The following EPB41L4B variants were observed in gnomAD, a reference collection of about 807,000 sequenced individuals.
The protein encoded by EPB41L4B is band 4.1-like protein 4B.
EPB41L4B carries 30 observed loss-of-function variants against 112.5 expected under a neutral mutation model. The ratio of observed to expected loss-of-function variants is 0.27; its 90% CI spans 0.20 to 0.36. The LOEUF (loss-of-function observed/expected upper bound fraction) is 0.36, where lower values mean the gene tolerates loss of function less well. Ranked by LOEUF, EPB41L4B falls within the 10% of genes least tolerant of loss-of-function variation. The pLI is 1.00. For missense variants in EPB41L4B, 1,024 were observed against 1,133.3 expected (o/e 0.90, Z 1.38); for synonymous variants, 408 against 439.7 (o/e 0.93, Z 0.90).
intron 1 of EPB41L4B, among the ~76,000 whole-genome samples, chr9:109,285,892 G>T (rs1588209843): frequency 6.6e-6 from 1 of 152,170 alleles, no homozygotes; most frequent in Non-Finnish European, 1.5e-5. Context: ...CCCCGGAGAA[G>T]TAAGTGCTCC....
chr9:109,232,619 CTGAA>C (rs1248864346), intron 15 of EPB41L4B, among the ~76,000 whole-genome samples: 20 of 152,172 alleles, frequency 1.3e-4, no homozygotes, highest in Admixed American at 1.3e-3. Flanking sequence ...ATCCGGCTCA[CTGAA>C]TGAATGAAAT....
intron 1 of EPB41L4B, among the ~76,000 whole-genome samples, chr9:109,294,298 C>T (rs1163167685): frequency 1.5e-5 from 2 of 134,102 alleles, no homozygotes; most frequent in African/African-American, 2.9e-5. Context: ...GAGAGTGAGA[C>T]TCCGTCTCAA....
intron 1 of EPB41L4B, chr9:109,307,254 A>G (rs960810173): frequency 4.0e-6 from 2 of 496,208 alleles, no homozygotes; most frequent in Non-Finnish European, 8.0e-6. Flanking sequence ...AGCGTCTTTA[A>G]TTAAGAGGAA....
At chr9:109,224,432 C>A (rs577368601) in intron 15 of EPB41L4B, among the ~76,000 whole-genome samples, 1 of 152,140 alleles carries the variant, frequency 6.6e-6, no homozygotes, top group Non-Finnish European at 1.5e-5. Context: ...ATGAAAGAAG[C>A]CAGACACAAA....
intron 13 of EPB41L4B, among the ~76,000 whole-genome samples, chr9:109,250,846 T>C (rs574691540): frequency 2.0e-5 from 3 of 152,260 alleles, no homozygotes; most frequent in South Asian, 2.1e-4. Flanking sequence ...ATAAGTAAAG[T>C]TTTATTGGAA....
At chr9:109,314,599 C>A (rs1033216734) in intron 1 of EPB41L4B, among the ~76,000 whole-genome samples, 7 of 150,676 alleles carry the variant, frequency 4.6e-5, no homozygotes, top group Non-Finnish European at 8.8e-5. Flanking sequence ...TATCACGACA[C>A]CCCCTTTGGG....
At chr9:109,212,097 T>C (rs1833203273) in intron 17 of EPB41L4B, among the ~76,000 whole-genome samples, 1 of 152,176 alleles carries the variant, frequency 6.6e-6, no homozygotes, top group Admixed American at 6.6e-5. Flanking sequence ...CACAGGTGTC[T>C]CAGGTAGGCC....
Position 109,185,600 on chromosome 9 carries a change from C to A in EPB41L4B, c.2307G>T (p.Glu769Asp). Reference protein sequence around the residue: ...MDFTEATPLAEPASNPHCAHS... With the variant: ...MDFTEATPLADPASNPHCAHS... ...GGGCACAGTGGGGGTTGCTGGCGGG[C>A]TCTGCCTGCTCACGAGGAGAGGAGA... The change falls in exon 23 of 26, where the codon GAG becomes GAT. Residue 769 changes from glutamate to aspartate, a missense_variant. Coordinates refer to ENST00000374566, the MANE Select transcript of EPB41L4B (RefSeq NM_019114.5). The A allele has an allele frequency of 6.2e-7, 1 of 1,606,336 alleles. No homozygotes were observed. The highest frequency in any genetic ancestry group is 8.5e-7 in the Non-Finnish European group (1 of 1,175,976).
At chr9:109,317,366 C>G (rs1837672355) in intron 1 of EPB41L4B, among the ~76,000 whole-genome samples, 1 of 152,220 alleles carries the variant, frequency 6.6e-6, no homozygotes, top group African/African-American at 2.4e-5. Context: ...AGTCATATCA[C>G]TTAGCATCAC....
At position 109,172,120 on chromosome 9, in the gene EPB41L4B, G is replaced by A. The variant is rs186709253; in HGVS notation, c.*2434C>T. ...ACTTCAACATCTGTGAACTCTGGGGGAAGCGGGGAAGAAGCAGGAAGCCCA... is the reference window on the plus strand; with the variant it reads ...ACTTCAACATCTGTGAACTCTGGGGAAAGCGGGGAAGAAGCAGGAAGCCCA... On this transcript the variant is annotated 3_prime_UTR_variant, in exon 26 of 26. Coordinates refer to ENST00000374566, the MANE Select transcript of EPB41L4B (RefSeq NM_019114.5). The A allele has an allele frequency of 1.9e-4, 29 of 152,292 alleles. No homozygotes were observed. In the East Asian group the frequency reaches 5.2e-3, roughly 27 times the overall value. The allele number at this position is 152,292 out of a possible 1,614,324, so 9.4% of individuals were successfully genotyped here.
In EPB41L4B at chr9:109,320,342, C is replaced by T. The variant is rs1837822733; in HGVS notation, c.105G>A (p.Gly35=). The change falls in exon 1 of 26, where the codon GGG becomes GGA. Residue 35 remains glycine (G), a synonymous_variant. Coordinates refer to ENST00000374566, the MANE Select transcript of EPB41L4B (RefSeq NM_019114.5). ...GAAGLGDERD[G]GPRGGPAAAA... ...CGGCGGCCGGGCCCCCCCGTGGCCCCCCATCGCGCTCGTCCCCCAGCCCGG... is the reference window on the plus strand; with the variant it reads ...CGGCGGCCGGGCCCCCCCGTGGCCCTCCATCGCGCTCGTCCCCCAGCCCGG... 2 of 987,090 alleles carry T rather than the reference C, an allele frequency of 2.0e-6. No homozygotes were observed. The highest frequency in any genetic ancestry group is 1.8e-5 in the African/African-American group (1 of 56,684). The allele number at this position is 987,090 out of a possible 1,614,324, so 61.1% of individuals were successfully genotyped here. A position where few individuals can be genotyped will look rare whatever the true frequency, so the allele number is the denominator to read the frequency against.
Position 109,255,767 on chromosome 9 carries a change from G to A in EPB41L4B, c.999+7C>T. 1 of 1,613,466 alleles carries A rather than the reference G, an allele frequency of 6.2e-7. No homozygotes were observed. The highest frequency in any genetic ancestry group is 8.5e-7 in the Non-Finnish European group (1 of 1,179,800). ...AGCAAGGGGGAAGAAATGGGAGCCA[G>A]GCCTACCTGATCATCATCCTCGACC... On this transcript the variant is annotated splice_region_variant and intron_variant, in intron 10 of 25. Transcript: ENST00000374566.
rs76199079 is a variant in EPB41L4B at position 109,297,571 on chromosome 9, G to A, written c.307-17650C>T. ...CAGATGCGTCATGTGGCACAGTCACGGCTGTCCACCGGCAAAGCCAGGGCC... is the reference window on the plus strand; with the variant it reads ...CAGATGCGTCATGTGGCACAGTCACAGCTGTCCACCGGCAAAGCCAGGGCC... On this transcript the variant is annotated intron_variant, in intron 1 of 25. Coordinates refer to ENST00000374566, the MANE Select transcript of EPB41L4B (RefSeq NM_019114.5). Among the ~76,000 whole-genome samples the A allele has an allele frequency of 6.6e-3, 999 of 152,294 alleles. 11 individuals carry two copies. Among genetic ancestry groups the A allele is most frequent in the African/African-American group, 0.023 (944 of 41,568 alleles).
At chr9:109,279,763 C>A in intron 2 of EPB41L4B, 54 bp downstream of exon 2, 1 of 1,423,932 alleles carries the variant, frequency 7.0e-7, no homozygotes, top group Non-Finnish European at 9.9e-7. Flanking sequence ...TGTGGACGTG[C>A]AATTAGCAAT....
intron 15 of EPB41L4B, among the ~76,000 whole-genome samples, chr9:109,242,971 G>C (rs537127356): frequency 1.3e-5 from 2 of 151,474 alleles, no homozygotes; most frequent in Non-Finnish European, 2.9e-5. Context: ...GGCAGCCCTC[G>C]GCCCAATCCC....
At chr9:109,267,336 C>G in intron 4 of EPB41L4B, 137 bp downstream of exon 4, 1 of 545,220 alleles carries the variant, frequency 1.8e-6, no homozygotes. Context: ...CACGGAAGCA[C>G]CGGAAAAGTA....
intron 23 of EPB41L4B, 55 bp downstream of exon 23, chr9:109,185,434 C>T: frequency 1.3e-6 from 2 of 1,516,128 alleles, no homozygotes; most frequent in East Asian, 4.5e-5. Context: ...CGCCTGGTGG[C>T]TCCTGCCCAC....
At chr9:109,294,559 A>C (rs1564326647) in intron 1 of EPB41L4B, among the ~76,000 whole-genome samples, 1 of 151,166 alleles carries the variant, frequency 6.6e-6, no homozygotes, top group Non-Finnish European at 1.5e-5. Flanking sequence ...AGGAGGTTGA[A>C]GTTGCAGTGA....
intron 25 of EPB41L4B, 63 bp from the exon 26 acceptor site, chr9:109,174,686 T>G: frequency 7.2e-7 from 1 of 1,392,476 alleles, no homozygotes; most frequent in South Asian, 1.2e-5. Context: ...AGCAGACAGC[T>G]TAAGTATCAT....
Sources: gnomAD v4.1 joint callset for allele counts (sites outside exome capture counted in the v4.1 genomes callset) on GRCh38, gnomAD v4.1.1 for gene constraint, MANE v1.5 for transcripts, NCBI Gene and HGNC (gene_info 2026-07-23, HGNC 2026-07-21) for gene names.